The following ANO10 variants were observed in gnomAD, a reference collection of about 807,000 sequenced individuals.
ANO10 encodes anoctamin 10, also known as anoctamin-10.
Under a neutral mutation model 74.7 loss-of-function variants are expected in ANO10, and 77 were observed. The observed-to-expected ratio is 1.03, with a 90% CI of 0.86 to 1.25. The LOEUF (loss-of-function observed/expected upper bound fraction) is 1.25. ANO10 is among the 50% of genes most tolerant of loss of function. ANO10 has a pLI of 0.00. For missense variants in ANO10, 721 were observed against 778.1 expected, an observed-to-expected ratio of 0.93 and a Z score of 0.87; for synonymous variants, 279 against 284.9, an observed-to-expected ratio of 0.98 and a Z score of 0.21.
At chr3:43,669,385 C>T (rs2084030457) in intron 1 of ANO10, among the ~76,000 whole-genome samples, 1 of 151,996 alleles carries the variant, frequency 6.6e-6, no homozygotes, top group Admixed American at 6.5e-5. Flanking sequence ...AATGTGAGGG[C>T]CCCCCATGAA....
At chr3:43,530,875 T>C (rs1408258750) in intron 11 of ANO10, among the ~76,000 whole-genome samples, 1 of 149,394 alleles carries the variant, frequency 6.7e-6, no homozygotes, top group Non-Finnish European at 1.5e-5. Flanking sequence ...CTGGGACTAA[T>C]GTGTGTGTGT....
At chr3:43,655,337 T>C (rs1379165761) in intron 1 of ANO10, among the ~76,000 whole-genome samples, 2 of 152,148 alleles carry the variant, frequency 1.3e-5, no homozygotes, top group Non-Finnish European at 2.9e-5. Flanking sequence ...TTCCTTCTGG[T>C]GGGTTCGTGG....
At chr3:43,410,037 A>G (rs2092639877) in intron 12 of ANO10, among the ~76,000 whole-genome samples, 1 of 152,138 alleles carries the variant, frequency 6.6e-6, no homozygotes, top group South Asian at 2.1e-4. Context: ...GTTTCTTCCC[A>G]CTGAAATGGG....
At chr3:43,668,037 T>C (rs550705045) in intron 1 of ANO10, among the ~76,000 whole-genome samples, 16 of 152,336 alleles carry the variant, frequency 1.1e-4, no homozygotes, top group African/African-American at 3.8e-4. Context: ...TGTACTAATT[T>C]ACATTCCCAC....
At chr3:43,393,878 T>A (rs1235652548) in intron 12 of ANO10, among the ~76,000 whole-genome samples, 1 of 151,878 alleles carries the variant, frequency 6.6e-6, no homozygotes, top group African/African-American at 2.4e-5. Flanking sequence ...CATTTCCAGA[T>A]CTTGGCCTTT....
In ANO10 at chr3:43,605,696, A is replaced by G. The variant is rs752316918; in HGVS notation, c.139+18T>C. 6 of 1,613,192 alleles carry G rather than the reference A, an allele frequency of 3.7e-6. No homozygotes were observed. The South Asian group carries it at 6.6e-5, about 18-fold the overall frequency. On this transcript the variant is annotated intron_variant, in intron 2 of 12. Coordinates refer to ENST00000292246, the MANE Select transcript of ANO10 (RefSeq NM_018075.5). ...GTGGGAGGCCAGACTAAGTCTGAGC[A>G]GTGACTATTTTACTCACCTCCATCT...
intron 1 of ANO10, among the ~76,000 whole-genome samples, chr3:43,668,035 T>C (rs2084013221): frequency 6.6e-6 from 1 of 152,210 alleles, no homozygotes; most frequent in African/African-American, 2.4e-5. Flanking sequence ...GTTGTACTAA[T>C]TTACATTCCC....
At chr3:43,520,381 G>T (rs1160416441) in intron 11 of ANO10, among the ~76,000 whole-genome samples, 3 of 152,142 alleles carry the variant, frequency 2.0e-5, no homozygotes, top group African/African-American at 7.2e-5. Flanking sequence ...TTTGGTGTCT[G>T]ATAATTAACA....
intron 12 of ANO10, among the ~76,000 whole-genome samples, chr3:43,368,938 G>C (rs747178913): frequency 1.3e-5 from 2 of 152,196 alleles, no homozygotes; most frequent in Non-Finnish European, 2.9e-5. Flanking sequence ...TTCCACATGG[G>C]GAAGAAAATC....
At chr3:43,530,884 G>A (rs947219267) in intron 11 of ANO10, among the ~76,000 whole-genome samples, 1 of 152,164 alleles carries the variant, frequency 6.6e-6, no homozygotes, top group African/African-American at 2.4e-5. Context: ...ATGTGTGTGT[G>A]TGTGTGTATG....
chr3:43,609,937 AT>A lies in ANO10; in HGVS notation c.-11-4075del, dbSNP rs1301842630. ...GTTAGTGAATGTGAAGGCCTAAGAC[AT>A]TATTGTATACTACTGTAGACTTTAT... On this transcript the variant is annotated intron_variant, in intron 1 of 12. Coordinates refer to ENST00000292246, the MANE Select transcript of ANO10 (RefSeq NM_018075.5). Among the ~76,000 whole-genome samples the A allele has an allele frequency of 3.9e-5, 6 of 152,314 alleles. No homozygotes were observed. The East Asian group carries it at 1.2e-3, about 29-fold the overall frequency.
chr3:43,612,833 G>T (rs1167359340), intron 1 of ANO10, among the ~76,000 whole-genome samples: 2 of 151,962 alleles, frequency 1.3e-5, no homozygotes, highest in Non-Finnish European at 2.9e-5. Context: ...CTTAGGTTTT[G>T]TCAGGGGCAA....
At chr3:43,589,353 A>G (rs941164839) in intron 4 of ANO10, among the ~76,000 whole-genome samples, 1 of 151,884 alleles carries the variant, frequency 6.6e-6, no homozygotes. Context: ...AAATGCCAAC[A>G]TCATGCTGAA....
chr3:43,571,203 GT>G (rs1218936694), intron 7 of ANO10, among the ~76,000 whole-genome samples: 1 of 151,608 alleles, frequency 6.6e-6, no homozygotes, highest in African/African-American at 2.4e-5. Context: ...TAGAGAGGAT[GT>G]GGAGAAATAG....
chr3:43,533,200 G>A (rs552340827), intron 11 of ANO10, among the ~76,000 whole-genome samples: 3 of 152,302 alleles, frequency 2.0e-5, no homozygotes, highest in African/African-American at 7.2e-5. Flanking sequence ...AAGGGTTGGA[G>A]AGAAAAGCTG....
At chr3:43,470,825 A>G (rs2075827466) in intron 11 of ANO10, among the ~76,000 whole-genome samples, 1 of 151,736 alleles carries the variant, frequency 6.6e-6, no homozygotes, top group African/African-American at 2.4e-5. Context: ...AGTGGTTTTT[A>G]CCATGTTGCC....
chr3:43,560,237 C>G (rs1175418348), intron 9 of ANO10, among the ~76,000 whole-genome samples: 1 of 152,202 alleles, frequency 6.6e-6, no homozygotes, highest in African/African-American at 2.4e-5. Context: ...ATAAAATCCT[C>G]ATCACCACCA....
At chr3:43,656,357 G>A (rs1346657132) in intron 1 of ANO10, among the ~76,000 whole-genome samples, 14 of 152,252 alleles carry the variant, frequency 9.2e-5, no homozygotes, top group Non-Finnish European at 1.8e-4. Flanking sequence ...GAGCCCAGCT[G>A]GCTTCACCCA....
intron 9 of ANO10, among the ~76,000 whole-genome samples, chr3:43,555,797 T>C (rs1407358960): frequency 6.6e-6 from 1 of 152,230 alleles, no homozygotes; most frequent in Non-Finnish European, 1.5e-5. Flanking sequence ...TCAGTATTAG[T>C]GTAAGTCAGA....
Sources: gnomAD v4.1 joint callset for allele counts (sites outside exome capture counted in the v4.1 genomes callset) on GRCh38, gnomAD v4.1.1 for gene constraint, MANE v1.5 for transcripts, NCBI Gene and HGNC (gene_info 2026-07-23, HGNC 2026-07-21) for gene names.